The following FAM13C variants were observed in gnomAD, a reference collection of about 807,000 sequenced individuals.
FAM13C encodes the protein protein FAM13C.
In FAM13C, 37 loss-of-function variants were observed where a neutral mutation model predicts 73.2. The observed-to-expected ratio is 0.51, with a 90% CI of 0.39 to 0.67. FAM13C has a LOEUF of 0.67. Ranked by LOEUF, FAM13C falls within the 30% of genes least tolerant of loss-of-function variation. The pLI, the probability that FAM13C is intolerant of heterozygous loss-of-function variation, is 0.00. For synonymous variants in FAM13C, 246 were observed against 260.9 expected (o/e 0.94, Z 0.55); for missense variants, 589 against 715.6 (o/e 0.82, Z 2.02).
In FAM13C at chr10:59,283,440, G is replaced by C. The variant is rs953269032; in HGVS notation, c.515C>G (p.Ala172Gly). 3.7e-6 allele frequency: 6 copies of C among 1,614,064 alleles called. No homozygotes were observed. The African/African-American group carries it at 6.7e-5, about 18-fold the overall frequency. ...GTCCTTGACTCCATGCACCTGAGCA[G>C]CTTCTTCCTGGTTTGTTAAAAATGC... is the stretch of plus-strand genomic sequence containing the variant. ...ETRQDLNEEEAAQVHGVKDPA... is the reference protein window; with the variant it reads ...ETRQDLNEEEGAQVHGVKDPA... The change falls in exon 6 of 14, where the codon GCT becomes GGT. Residue 172 changes from alanine to glycine, a missense_variant. Ala to Gly is a moderately conservative substitution (Grantham distance 60). Transcript: ENST00000618804.
chr10:59,290,495 C>T (rs181064588), intron 5 of FAM13C, among the ~76,000 whole-genome samples: 1 of 152,246 alleles, frequency 6.6e-6, no homozygotes, highest in East Asian at 1.9e-4. Context: ...AATATATGCC[C>T]ACCCACATAC....
At chr10:59,341,189 T>C (rs374219287) in intron 3 of FAM13C, among the ~76,000 whole-genome samples, 49 of 152,198 alleles carry the variant, frequency 3.2e-4, no homozygotes, top group African/African-American at 1.1e-3. Context: ...CGCTGGCAAA[T>C]CGACTTACCT....
chr10:59,333,432 G>A (rs1333697345), intron 3 of FAM13C, among the ~76,000 whole-genome samples: 1 of 152,086 alleles, frequency 6.6e-6, no homozygotes, highest in African/African-American at 2.4e-5. Flanking sequence ...AGTTTGCAGT[G>A]AGCCAAAATC....
At chr10:59,272,847 C>T (rs1328779547) in intron 6 of FAM13C, among the ~76,000 whole-genome samples, 1 of 152,160 alleles carries the variant, frequency 6.6e-6, no homozygotes, top group Non-Finnish European at 1.5e-5. Flanking sequence ...TCCCAGTGGA[C>T]ACCTGAAACC....
chr10:59,360,595 TTG>T, intron 1 of FAM13C, among the ~76,000 whole-genome samples: 2 of 152,256 alleles, frequency 1.3e-5, no homozygotes, highest in East Asian at 3.9e-4. Context: ...GAAAATGTTA[TTG>T]TGGCAATGAC....
At chr10:59,356,828 T>C (rs1855768848) in intron 1 of FAM13C, among the ~76,000 whole-genome samples, 1 of 152,134 alleles carries the variant, frequency 6.6e-6, no homozygotes, top group Admixed American at 6.5e-5. Context: ...GCAGACACAC[T>C]CTCAATCTGA....
intron 3 of FAM13C, among the ~76,000 whole-genome samples, chr10:59,335,120 T>C (rs565081885): frequency 6.6e-6 from 1 of 152,324 alleles, no homozygotes; most frequent in South Asian, 2.1e-4. Context: ...AGCCTCTATG[T>C]CTAATTTCCC....
At chr10:59,324,240 G>T in intron 3 of FAM13C, 134 bp from the exon 4 acceptor site, 1 of 667,038 alleles carries the variant, frequency 1.5e-6, no homozygotes, top group Non-Finnish European at 2.5e-6. Flanking sequence ...GTGTGGGAAG[G>T]GAGCCAATTC....
At chr10:59,324,167 T>C (rs1850760824) in intron 3 of FAM13C, 61 bp from the exon 4 acceptor site, 1 of 1,345,880 alleles carries the variant, frequency 7.4e-7, no homozygotes, top group Non-Finnish European at 1.0e-6. Context: ...CATAGCATTA[T>C]TATGCTGGAA....
chr10:59,277,230 G>A (rs563767564), intron 6 of FAM13C, among the ~76,000 whole-genome samples: 2 of 152,136 alleles, frequency 1.3e-5, no homozygotes, highest in African/African-American at 2.4e-5. Context: ...AGCTCTGATA[G>A]AATATACTGA....
intron 3 of FAM13C, among the ~76,000 whole-genome samples, chr10:59,344,735 CAGAA>C (rs1854068355): frequency 6.6e-6 from 1 of 152,168 alleles, no homozygotes. Flanking sequence ...TAAAGTCACA[CAGAA>C]AGAAAGTAGC....
chr10:59,300,476 C>A (rs1346875156), intron 5 of FAM13C, among the ~76,000 whole-genome samples: 1 of 151,974 alleles, frequency 6.6e-6, no homozygotes, highest in Non-Finnish European at 1.5e-5. Flanking sequence ...GGAACAAAAA[C>A]CAATGAAGAG....
intron 5 of FAM13C, among the ~76,000 whole-genome samples, chr10:59,284,953 C>T (rs1009939567): frequency 1.3e-5 from 2 of 152,138 alleles, no homozygotes; most frequent in African/African-American, 2.4e-5. Context: ...ACATCTCTCA[C>T]ACCCCAACTC....
intron 6 of FAM13C, among the ~76,000 whole-genome samples, chr10:59,277,964 C>T (rs1844504400): frequency 6.6e-6 from 1 of 152,140 alleles, no homozygotes; most frequent in Non-Finnish European, 1.5e-5. Flanking sequence ...TAAAGACATA[C>T]CCAAGACTGG....
chr10:59,276,153 C>T (rs1224856683), intron 6 of FAM13C, among the ~76,000 whole-genome samples: 3 of 152,094 alleles, frequency 2.0e-5, no homozygotes, highest in Non-Finnish European at 4.4e-5. Context: ...CAGCCATCAG[C>T]TCTATAGATT....
chr10:59,246,210 A>G lies in FAM13C; in HGVS notation c.*1404T>C, dbSNP rs1381078648. On this transcript the variant is annotated 3_prime_UTR_variant, in exon 14 of 14. Coordinates refer to ENST00000618804, the MANE Select transcript of FAM13C (RefSeq NM_198215.4). The stretch of plus-strand genomic sequence containing the variant: ...ATAGAATATATAGAGTTACATTTTA[A>G]TAGCAACTGTGTACATGTCACGAAA... 1 of 153,576 alleles carries G rather than the reference A, an allele frequency of 6.5e-6. No homozygotes were observed. The highest frequency in any genetic ancestry group is 1.5e-5 in the Non-Finnish European group (1 of 68,722). The allele number at this position is 153,576 out of a possible 1,614,324, so 9.5% of individuals were successfully genotyped here.
intron 3 of FAM13C, among the ~76,000 whole-genome samples, chr10:59,343,960 T>C (rs190187894): frequency 0.013 from 1,863 of 148,636 alleles, 14 homozygotes; most frequent in Middle Eastern, 0.024. Context: ...TTTTTTTTTT[T>C]CTTTTTTCTT....
At chr10:59,315,601 G>A (rs1317181598) in intron 4 of FAM13C, among the ~76,000 whole-genome samples, 2 of 152,152 alleles carry the variant, frequency 1.3e-5, no homozygotes, top group East Asian at 3.9e-4. Flanking sequence ...TGACATGAAT[G>A]AGGCATCCCA....
At chr10:59,328,904 T>C (rs1851545607) in intron 3 of FAM13C, among the ~76,000 whole-genome samples, 1 of 152,132 alleles carries the variant, frequency 6.6e-6, no homozygotes, top group Admixed American at 6.5e-5. Flanking sequence ...CAAGAGAAAG[T>C]GTTGTAAATC....
Sources: gnomAD v4.1 joint callset for allele counts (sites outside exome capture counted in the v4.1 genomes callset) on GRCh38, gnomAD v4.1.1 for gene constraint, MANE v1.5 for transcripts, NCBI Gene and HGNC (gene_info 2026-07-23, HGNC 2026-07-21) for gene names.